The following F10 variants were observed in gnomAD, a reference collection of about 807,000 sequenced individuals.
F10 encodes the protein coagulation factor X, also known as Stuart-Prower factor.
F10 carries 29 observed loss-of-function variants against 37.1 expected under a neutral mutation model. The ratio of observed to expected loss-of-function variants is 0.78; its 90% CI spans 0.58 to 1.07. The LOEUF is 1.07. F10 is among the 50% of genes least tolerant of loss of function. F10 has a pLI of 0.00. For synonymous variants in F10, 262 were observed against 268.6 expected, an observed-to-expected ratio of 0.98 and a Z score of 0.24; for missense variants, 539 against 667.9, an observed-to-expected ratio of 0.81 and a Z score of 2.13.
intron 1 of F10, among the ~76,000 whole-genome samples, chr13:113,126,254 C>T (rs1187779306): frequency 6.6e-6 from 1 of 152,160 alleles, no homozygotes; most frequent in African/African-American, 2.4e-5. Flanking sequence ...GTGCCTGCCA[C>T]CTGTACCCTC....
In F10 at chr13:113,143,716, G is replaced by GATT; in HGVS notation, c.503-135_503-134insATT. On this transcript the variant is annotated intron_variant, in intron 5 of 7. Transcript: ENST00000375559. The surrounding 1 kb of genome is among the most constrained non-coding windows in gnomAD (Gnocchi z 6.8). ...TGCCGACGACGTGGGGCCTCGCCCTGCAAGCCCGCTGCCCCTCCGGGTGCC... is the reference window on the plus strand; with the variant it reads ...TGCCGACGACGTGGGGCCTCGCCCTGATTCAAGCCCGCTGCCCCTCCGGGTGCC... 2.3e-6 allele frequency: 3 copies of GATT among 1,312,348 alleles called. No homozygotes were observed. The highest frequency in any genetic ancestry group is 2.2e-5 in the Admixed American group (1 of 45,004). 81.3% of individuals were successfully genotyped at this position (1,312,348 alleles called of 1,614,324 possible). A position where few individuals can be genotyped will look rare whatever the true frequency, so the allele number is the denominator to read the frequency against.
chr13:113,135,655 T>A (rs2036472191), intron 2 of F10, among the ~76,000 whole-genome samples: 1 of 152,368 alleles, frequency 6.6e-6, no homozygotes, highest in East Asian at 1.9e-4. Flanking sequence ...ATGGGGGGCA[T>A]GTTGAGACCA....
rs2036568014 is a variant in F10 at position 113,144,995 on chromosome 13, C to T, written c.747+900C>T. Among the ~76,000 whole-genome samples the T allele has an allele frequency of 6.6e-6, 1 of 152,126 alleles. No homozygotes were observed. The highest frequency in any genetic ancestry group is 1.5e-5 in the Non-Finnish European group (1 of 68,036). On this transcript the variant is annotated intron_variant, in intron 6 of 7. Transcript: ENST00000375559. The surrounding 1 kb of genome is among the most constrained non-coding windows in gnomAD (Gnocchi z 6.4). ...CCAGGTTCATGTCATTCTCCTGCTT[C>T]AGCCTCCCGAGTAGCTGGGACTACA...
rs2138544387 is a variant in F10 at position 113,141,351 on chromosome 13, T to C, written c.502+301T>C. On this transcript the variant is annotated intron_variant, in intron 5 of 7. Transcript: ENST00000375559. This position sits in a 1 kb window ranked among gnomAD's most constrained non-coding sequence, Gnocchi z 5.4. ...ACTGCTTGGGTGATCCCTGGAGCACTTTGCATGATGCCTGGCCCACCGCAG... is the reference window on the plus strand; with the variant it reads ...ACTGCTTGGGTGATCCCTGGAGCACCTTGCATGATGCCTGGCCCACCGCAG... Among the ~76,000 whole-genome samples, 1 of 152,288 alleles carries C rather than the reference T, an allele frequency of 6.6e-6. No homozygotes were observed. The highest frequency in any genetic ancestry group is 2.1e-4 in the South Asian group (1 of 4,826).
chr13:113,145,687 G>A (rs1019745235), intron 6 of F10, among the ~76,000 whole-genome samples: 4 of 152,168 alleles, frequency 2.6e-5, no homozygotes, highest in African/African-American at 4.8e-5. Flanking sequence ...TCACCGTCAC[G>A]GTGGAAGGCG....
chr13:113,126,840 C>G (rs2036375382), intron 1 of F10, among the ~76,000 whole-genome samples: 1 of 152,148 alleles, frequency 6.6e-6, no homozygotes, highest in South Asian at 2.1e-4. Context: ...GCCAGAGGCC[C>G]CAAGGGAGAT....
chr13:113,144,301 G>A lies in F10; in HGVS notation c.747+206G>A, dbSNP rs182395567. The A allele has an allele frequency of 5.9e-4, 423 of 718,446 alleles. 3 individuals are homozygous for A. The East Asian group carries it at 8.9e-3, about 15-fold the overall frequency. 44.5% of individuals were successfully genotyped at this position (718,446 alleles called of 1,614,324 possible). A position where few individuals can be genotyped will look rare whatever the true frequency, so the allele number is the denominator to read the frequency against. ...CTGTGAGCTCCACAGGGAAGTGGCC[G>A]GGGCTGAGGGAGAGGCTGGGCCCAG... On this transcript the variant is annotated intron_variant, in intron 6 of 7. Coordinates refer to ENST00000375559, the MANE Select transcript of F10 (RefSeq NM_000504.4). The surrounding 1 kb of genome is among the most constrained non-coding windows in gnomAD (Gnocchi z 6.4).
intron 1 of F10, among the ~76,000 whole-genome samples, chr13:113,124,719 G>A (rs1442215357): frequency 6.6e-6 from 1 of 152,224 alleles, no homozygotes; most frequent in Non-Finnish European, 1.5e-5. Flanking sequence ...TGGGGCGGTG[G>A]GACCTCAGCA....
Position 113,132,248 on chromosome 13 carries a change from T to G in F10, c.231+2636T>G, listed in dbSNP as rs1473222451. 5.3e-5 allele frequency among the ~76,000 whole-genome samples: 8 copies of G among 152,368 alleles called. No individual in the cohort carries two copies. In the East Asian group the frequency reaches 1.2e-3, roughly 22 times the overall value. On this transcript the variant is annotated intron_variant, in intron 2 of 7. Coordinates refer to ENST00000375559, the MANE Select transcript of F10 (RefSeq NM_000504.4). ...AATACTTCTTATATATACATATATTTTTTTCCACTGGTAGAATTTTTCTTT... is the reference window on the plus strand; with the variant it reads ...AATACTTCTTATATATACATATATTGTTTTCCACTGGTAGAATTTTTCTTT...
chr13:113,129,369 A>G (rs958526202), intron 1 of F10, 83 bp from the exon 2 acceptor site: 21 of 1,429,508 alleles, frequency 1.5e-5, no homozygotes, highest in Non-Finnish European at 1.9e-5. Context: ...ATGGCAAGGG[A>G]CATGGCAGTC....
chr13:113,143,827 C>A lies in F10; in HGVS notation c.503-24C>A. On this transcript the variant is annotated intron_variant, in intron 5 of 7. Transcript: ENST00000375559. This position sits in a 1 kb window ranked among gnomAD's most constrained non-coding sequence, Gnocchi z 6.8. ...GGGGAGCCTCTCTCTGTGCTGAAGG[C>A]CCCGGCCGTCCTCTTTCTTTCAGGG... 6.2e-7 allele frequency: 1 copy of A among 1,609,652 alleles called. No individual in the cohort carries two copies. Among genetic ancestry groups the A allele is most frequent in the Non-Finnish European group, 8.5e-7 (1 of 1,179,974 alleles).
chr13:113,148,962 G>C lies in F10; in HGVS notation c.912G>C (p.Glu304Asp), dbSNP rs768978886. 2.4e-5 allele frequency: 38 copies of C among 1,613,484 alleles called. No individual in the cohort carries two copies. In the Admixed American group the frequency reaches 6.3e-4, roughly 27 times the overall value. Residue 304 changes from glutamate to aspartate, a missense_variant, in exon 8 of 8, where the codon GAG (glutamate) becomes GAC (aspartate). Transcript: ENST00000375559. ...AGGAGGGCGGTGAGGCGGTGCACGA[G>C]GTGGAGGTGGTCATCAAGCACAACC... Reference protein sequence around the residue: ...EQEEGGEAVHEVEVVIKHNRF... With the variant: ...EQEEGGEAVHDVEVVIKHNRF...
At position 113,139,520 on chromosome 13, in the gene F10, G is replaced by A. The variant is rs2036508400; in HGVS notation, c.370+50G>A. The stretch of plus-strand genomic sequence containing the variant: ...TTCAGATCAGATGCCCCTGAAGAGT[G>A]GCAGGTGGGCGGGGGAAGAAGTGAA... On this transcript the variant is annotated intron_variant, in intron 4 of 7. Coordinates refer to ENST00000375559, the MANE Select transcript of F10 (RefSeq NM_000504.4). The surrounding 1 kb of genome is among the most constrained non-coding windows in gnomAD (Gnocchi z 5.2). 7.0e-6 allele frequency: 10 copies of A among 1,436,764 alleles called. No individual in the cohort carries two copies. In the East Asian group the frequency reaches 2.3e-4, roughly 33 times the overall value. The allele number at this position is 1,436,764 out of a possible 1,614,324, so 89.0% of individuals were successfully genotyped here.
chr13:113,123,181 GAA>G (rs1216901133), intron 1 of F10, among the ~76,000 whole-genome samples: 1 of 152,196 alleles, frequency 6.6e-6, no homozygotes, highest in Non-Finnish European at 1.5e-5. Flanking sequence ...GTCAGAGAGA[GAA>G]AGGGAGAGGG....
intron 5 of F10, among the ~76,000 whole-genome samples, chr13:113,142,851 G>A (rs558461608): frequency 8.2e-4 from 124 of 152,048 alleles, no homozygotes; most frequent in African/African-American, 2.9e-3. Flanking sequence ...AGAATCGCCT[G>A]AACCCAGGAG....
Position 113,149,147 on chromosome 13 carries a change from G to A in F10, c.1097G>A (p.Arg366His), listed in dbSNP as rs143715673. 5.3e-5 allele frequency: 86 copies of A among 1,612,798 alleles called. No homozygotes were observed. The highest frequency in any genetic ancestry group is 6.9e-5 in the Non-Finnish European group (81 of 1,180,004). Residue 366 changes from arginine to histidine, a missense_variant, in exon 8 of 8, where the codon CGC becomes CAC. Coordinates refer to ENST00000375559, the MANE Select transcript of F10 (RefSeq NM_000504.4). This position sits in a 1 kb window ranked among gnomAD's most constrained non-coding sequence, Gnocchi z 7.5. ...ACGGGGATTGTGAGCGGCTTCGGGCGCACCCACGAGAAGGGCCGGCAGTCC... is the reference window on the plus strand; with the variant it reads ...ACGGGGATTGTGAGCGGCTTCGGGCACACCCACGAGAAGGGCCGGCAGTCC... ...QKTGIVSGFG[R>H]THEKGRQSTR...
Position 113,143,951 on chromosome 13 carries a change from G to A in F10, c.603G>A (p.Lys201=). Residue 201 remains lysine, a synonymous_variant, in exon 6 of 8, where the codon AAG becomes AAA. Transcript: ENST00000375559. The surrounding 1 kb of genome is among the most constrained non-coding windows in gnomAD (Gnocchi z 6.8). ...AGGCCCCTGACAGCATCACATGGAAGCCATATGATGCAGCCGACCTGGACC... is the reference window on the plus strand; with the variant it reads ...AGGCCCCTGACAGCATCACATGGAAACCATATGATGCAGCCGACCTGGACC... The part of the protein sequence containing the change: ...SGEAPDSITW[K]PYDAADLDPT... The A allele has an allele frequency of 6.2e-7, 1 of 1,613,476 alleles. No individual in the cohort carries two copies. The highest frequency in any genetic ancestry group is 8.5e-7 in the Non-Finnish European group (1 of 1,180,004).
At chr13:113,138,811 G>A (rs2036501916) in intron 3 of F10, among the ~76,000 whole-genome samples, 2 of 152,144 alleles carry the variant, frequency 1.3e-5, no homozygotes, top group South Asian at 4.1e-4. Context: ...CCCGACTAAG[G>A]TAACCACCTT....
rs574053172 is a variant in F10, at chr13:113,134,969, G to A, written c.232-3488G>A. On this transcript the variant is annotated intron_variant, in intron 2 of 7. Transcript: ENST00000375559. ...AAGATATCAATTTTCGGCCGGGCGC[G>A]GTGGCTCATGCCTGTAATCCCAGCA... 2.2e-3 allele frequency among the ~76,000 whole-genome samples: 329 copies of A among 152,238 alleles called. 1 individual carries two copies. Among genetic ancestry groups the A allele is most frequent in the African/African-American group, 7.4e-3 (306 of 41,552 alleles).
Sources: gnomAD v4.1 joint callset for allele counts (sites outside exome capture counted in the v4.1 genomes callset) on GRCh38, gnomAD v4.1.1 for gene constraint, Gnocchi (gnomAD v3.1) non-coding constraint, MANE v1.5 for transcripts, NCBI Gene and HGNC (gene_info 2026-07-23, HGNC 2026-07-21) for gene names.